The following ZDHHC11B variants were observed in gnomAD, a reference collection of about 807,000 sequenced individuals.
ZDHHC11B encodes zDHHC palmitoyltransferase 11B (putative).
A neutral mutation model predicts 42.3 loss-of-function variants in ZDHHC11B; 17 were observed. That is an observed-to-expected ratio of 0.40 (90% confidence interval 0.27 to 0.60). ZDHHC11B has a LOEUF of 0.60. Ranked by LOEUF, ZDHHC11B falls within the 20% of genes least tolerant of loss-of-function variation. The pLI is 0.41. For synonymous variants in ZDHHC11B, 123 were observed against 193.5 expected (o/e 0.64, Z 3.02); for missense variants, 262 against 463.2 (o/e 0.57, Z 3.99).
At chr5:721,849 T>C (rs1374565976) in intron 12 of ZDHHC11B, among the ~76,000 whole-genome samples, 2 of 151,706 alleles carry the variant, frequency 1.3e-5, no homozygotes, top group Admixed American at 6.6e-5. Flanking sequence ...AGTAAGATGA[T>C]AAGAAATTAG....
chr5:767,021 G>A, intron 3 of ZDHHC11B, 102 bp from the exon 4 acceptor site: 1 of 1,355,410 alleles, frequency 7.4e-7, no homozygotes, highest in Non-Finnish European at 1.0e-6. Flanking sequence ...TGGCCCCCAG[G>A]ACCAGCACTG....
chr5:764,367 G>C (rs1289301475), intron 4 of ZDHHC11B, among the ~76,000 whole-genome samples: 3 of 149,880 alleles, frequency 2.0e-5, no homozygotes, highest in African/African-American at 7.3e-5. Flanking sequence ...GGCTCCCTCG[G>C]CTTGTGGGGA....
intron 1 of ZDHHC11B, among the ~76,000 whole-genome samples, chr5:770,587 G>A (rs1735935814): frequency 6.6e-6 from 1 of 151,986 alleles, no homozygotes; most frequent in Non-Finnish European, 1.5e-5. Context: ...TCTGTGACGT[G>A]CTGCCTTCCT....
chr5:745,470 T>C lies in ZDHHC11B; in HGVS notation c.785-172A>G, dbSNP rs549631620. Among the ~76,000 whole-genome samples, 3 of 149,790 alleles carry C rather than the reference T, an allele frequency of 2.0e-5. No individual in the cohort carries two copies. The South Asian group carries it at 6.7e-4, about 33-fold the overall frequency. On this transcript the variant is annotated intron_variant, in intron 8 of 13. Transcript: ENST00000508859. ...GGTCAGGATGAGTGCAGATGCCTTGTGGGCCCAGGTCTGCAGCTAGCTGAT... is the reference window on the plus strand; with the variant it reads ...GGTCAGGATGAGTGCAGATGCCTTGCGGGCCCAGGTCTGCAGCTAGCTGAT...
intron 1 of ZDHHC11B, among the ~76,000 whole-genome samples, chr5:778,537 G>A (rs1485127934): frequency 6.6e-6 from 1 of 151,636 alleles, no homozygotes; most frequent in Non-Finnish European, 1.5e-5. Flanking sequence ...AGACTCACGA[G>A]GACCCTGCCC....
At chr5:758,335 G>A (rs1316357110) in intron 4 of ZDHHC11B, among the ~76,000 whole-genome samples, 1 of 151,914 alleles carries the variant, frequency 6.6e-6, no homozygotes, top group Non-Finnish European at 1.5e-5. Context: ...ACGAGCAGCA[G>A]GTGAAGCTCA....
At chr5:741,915 C>CAAAAAAAAAAAAAAAA (rs1184628499) in intron 9 of ZDHHC11B, among the ~76,000 whole-genome samples, 1 of 56,232 alleles carries the variant, frequency 1.8e-5, no homozygotes, top group Non-Finnish European at 4.0e-5. Context: ...ATTTAACTCC[C>CAAAAAAAAAAAAAAAA]ACGCAGGAGA....
At chr5:767,232 C>G (rs1735563157) in intron 3 of ZDHHC11B, 160 bp downstream of exon 3, 4 of 949,504 alleles carry the variant, frequency 4.2e-6, no homozygotes, top group African/African-American at 3.2e-5. Context: ...TGTGGCAGAC[C>G]TGGGTGGATG....
intron 1 of ZDHHC11B, among the ~76,000 whole-genome samples, chr5:780,455 G>A (rs1175054983): frequency 6.0e-5 from 9 of 151,198 alleles, no homozygotes; most frequent in Non-Finnish European, 1.0e-4. Context: ...CGGACCACTC[G>A]CGCACACTAT....
At chr5:736,284 T>C (rs1367981312) in intron 10 of ZDHHC11B, among the ~76,000 whole-genome samples, 4 of 149,824 alleles carry the variant, frequency 2.7e-5, no homozygotes, top group Non-Finnish European at 4.4e-5. Flanking sequence ...ATCCTAACTA[T>C]ATATGCACCT....
intron 11 of ZDHHC11B, among the ~76,000 whole-genome samples, chr5:733,507 C>G (rs1743220104): frequency 6.6e-6 from 1 of 151,794 alleles, no homozygotes. Context: ...TGGTGGTGCT[C>G]CAGTGCTGGG....
chr5:778,048 G>C (rs1227244364), intron 1 of ZDHHC11B, among the ~76,000 whole-genome samples: 1 of 152,048 alleles, frequency 6.6e-6, no homozygotes, highest in Admixed American at 6.5e-5. Flanking sequence ...GCGCACCTCC[G>C]CAGCCACCGT....
chr5:744,161 A>T lies in ZDHHC11B; in HGVS notation c.900+1022T>A, dbSNP rs1330182425. ...ATTCCTAGGCCTTAAGGCACTGCTCACCCCTGGAGTGATATCACTTGGCCA... is the reference window on the plus strand; with the variant it reads ...ATTCCTAGGCCTTAAGGCACTGCTCTCCCCTGGAGTGATATCACTTGGCCA... On this transcript the variant is annotated intron_variant, in intron 9 of 13. Transcript: ENST00000508859. 1.0e-4 allele frequency among the ~76,000 whole-genome samples: 15 copies of T among 149,856 alleles called. 3 individuals carry two copies. In the East Asian group the frequency reaches 3.1e-3, roughly 31 times the overall value.
chr5:784,561 G>T (rs1561210818), intron 1 of ZDHHC11B, among the ~76,000 whole-genome samples, 107 bp downstream of exon 1: 1 of 152,214 alleles, frequency 6.6e-6, no homozygotes, highest in Non-Finnish European at 1.5e-5. Flanking sequence ...GGGAGCGCGG[G>T]GGGCAGGGGC....
chr5:739,409 C>G (rs1341770181), intron 10 of ZDHHC11B, among the ~76,000 whole-genome samples: 1 of 151,376 alleles, frequency 6.6e-6, no homozygotes. Context: ...AACAAACAAA[C>G]AAACAAACAA....
At chr5:767,245 T>A in intron 3 of ZDHHC11B, 147 bp downstream of exon 3, 2 of 1,030,356 alleles carry the variant, frequency 1.9e-6, no homozygotes, top group Non-Finnish European at 2.8e-6. Flanking sequence ...GGTGGATGAC[T>A]GAAAGCAACG....
intron 13 of ZDHHC11B, among the ~76,000 whole-genome samples, chr5:715,887 A>G (rs1741713149): frequency 6.6e-6 from 1 of 151,454 alleles, no homozygotes; most frequent in Non-Finnish European, 1.5e-5. Flanking sequence ...AGCTGCCTGG[A>G]GCACAGGAAC....
At position 743,571 on chromosome 5, in the gene ZDHHC11B, G is replaced by A. The variant is rs559477980; in HGVS notation, c.900+1612C>T. On this transcript the variant is annotated intron_variant, in intron 9 of 13. Transcript: ENST00000508859. ...TGTACACCTTTTCACTTAATAGAGC[G>A]TCTCTGACTTCTCTCAGTCATGGTG... is the stretch of plus-strand genomic sequence containing the variant. Among the ~76,000 whole-genome samples, 142 of 149,122 alleles carry A rather than the reference G, an allele frequency of 9.5e-4. 1 individual carries two copies. Among genetic ancestry groups the A allele is most frequent in the African/African-American group, 3.1e-3 (127 of 40,520 alleles).
At chr5:778,826 C>T (rs1350212635) in intron 1 of ZDHHC11B, among the ~76,000 whole-genome samples, 7 of 152,006 alleles carry the variant, frequency 4.6e-5, no homozygotes, top group South Asian at 2.1e-4. Flanking sequence ...AGGCTGAATT[C>T]GTCCCCTCCA....
Sources: gnomAD v4.1 joint callset for allele counts (sites outside exome capture counted in the v4.1 genomes callset) on GRCh38, gnomAD v4.1.1 for gene constraint, MANE v1.5 for transcripts, NCBI Gene and HGNC (gene_info 2026-07-23, HGNC 2026-07-21) for gene names.